The following PCDHA10 variants were observed in gnomAD, a reference collection of about 807,000 sequenced individuals.
PCDHA10 encodes the protein protocadherin alpha 10.
In PCDHA10, 45 loss-of-function variants were observed where a neutral mutation model predicts 61.2. That is an observed-to-expected ratio of 0.74 (90% CI 0.58 to 0.94). PCDHA10 has a LOEUF of 0.94. PCDHA10 is among the 40% of genes least tolerant of loss of function. The probability of loss-of-function intolerance (pLI) is 0.00; values close to 1 mark genes in which losing one functional copy is unlikely to be tolerated. For missense variants in PCDHA10, 1,278 were observed against 1,236.2 expected (o/e 1.03, Z -0.51); for synonymous variants, 602 against 548.8 (o/e 1.10, Z -1.35).
chr5:140,945,526 A>T (rs1466059696), intron 1 of PCDHA10, among the ~76,000 whole-genome samples: 2 of 152,130 alleles, frequency 1.3e-5, no homozygotes, highest in African/African-American at 4.8e-5. Context: ...AATAAATAAA[A>T]CAAAACATAC....
chr5:140,904,139 A>G lies in PCDHA10; in HGVS notation c.2388+45703A>G, dbSNP rs557435150. On this transcript the variant is annotated intron_variant, in intron 1 of 3. Coordinates refer to ENST00000307360, the MANE Select transcript of PCDHA10 (RefSeq NM_018901.4). ...ATTTTGGTGCACCCATCACCCGAGCAGTATACATTGCACCCAGTTTGTAGT... is the reference window on the plus strand; with the variant it reads ...ATTTTGGTGCACCCATCACCCGAGCGGTATACATTGCACCCAGTTTGTAGT... Among the ~76,000 whole-genome samples, 4 of 152,286 alleles carry G rather than the reference A, an allele frequency of 2.6e-5. No homozygotes were observed. The East Asian group carries it at 7.7e-4, about 29-fold the overall frequency.
At chr5:140,889,503 C>G (rs2062252341) in intron 1 of PCDHA10, among the ~76,000 whole-genome samples, 2 of 151,950 alleles carry the variant, frequency 1.3e-5, no homozygotes, top group Admixed American at 1.3e-4. Context: ...AGTGATATTT[C>G]CCTTTCCATT....
At chr5:140,978,862 T>C (rs750080921) in intron 1 of PCDHA10, 87 bp from the exon 2 acceptor site, 138 of 1,599,976 alleles carry the variant, frequency 8.6e-5, no homozygotes, top group Non-Finnish European at 1.1e-4. Flanking sequence ...CTGGAAATAT[T>C]TAAGGGAGTA....
chr5:140,858,839 C>G (rs1306924023), intron 1 of PCDHA10: 1 of 317,040 alleles, frequency 3.2e-6, no homozygotes, highest in Non-Finnish European at 5.9e-6. Context: ...CCAAAAAATT[C>G]CACTGATCTA....
chr5:140,938,758 A>T (rs2153638695), intron 1 of PCDHA10, among the ~76,000 whole-genome samples: 1 of 152,274 alleles, frequency 6.6e-6, no homozygotes, highest in African/African-American at 2.4e-5. Flanking sequence ...AGGCATAGTT[A>T]TTGGGTACTA....
chr5:140,870,276 C>T (rs1554163984), intron 1 of PCDHA10: 3 of 1,614,170 alleles, frequency 1.9e-6, no homozygotes, highest in South Asian at 1.1e-5. Context: ...TGACGCCCCA[C>T]GTTCCCTTCA....
At chr5:140,915,531 T>C (rs1258680816) in intron 1 of PCDHA10, among the ~76,000 whole-genome samples, 1 of 152,150 alleles carries the variant, frequency 6.6e-6, no homozygotes, top group Non-Finnish European at 1.5e-5. Context: ...AGGTACCATC[T>C]TGGAGGTCTT....
chr5:140,888,647 T>C (rs781796685), intron 1 of PCDHA10, among the ~76,000 whole-genome samples: 2 of 152,244 alleles, frequency 1.3e-5, no homozygotes, highest in African/African-American at 2.4e-5. Context: ...AATACTTTCC[T>C]GAGGACACCA....
intron 1 of PCDHA10, chr5:140,884,638 G>C: frequency 6.2e-7 from 1 of 1,610,712 alleles, no homozygotes; most frequent in South Asian, 1.1e-5. Context: ...GCCAGAGGGA[G>C]GAGGACTCAG....
At chr5:140,964,609 T>A (rs2095843840) in intron 1 of PCDHA10, among the ~76,000 whole-genome samples, 1 of 152,062 alleles carries the variant, frequency 6.6e-6, no homozygotes, top group Non-Finnish European at 1.5e-5. Context: ...AACTTACAAC[T>A]TGATTCCACT....
chr5:140,922,799 A>T (rs1188093750), intron 1 of PCDHA10, among the ~76,000 whole-genome samples: 1 of 152,264 alleles, frequency 6.6e-6, no homozygotes, highest in Non-Finnish European at 1.5e-5. Context: ...GCTTTGGAAT[A>T]CAGAAAAAGG....
chr5:140,890,726 T>C (rs2062772984), intron 1 of PCDHA10, among the ~76,000 whole-genome samples: 1 of 152,214 alleles, frequency 6.6e-6, no homozygotes. Context: ...TTTAATCCCT[T>C]TTGACTTATA....
intron 1 of PCDHA10, among the ~76,000 whole-genome samples, chr5:140,905,373 G>A (rs556428182): frequency 6.6e-6 from 1 of 152,118 alleles, no homozygotes; most frequent in East Asian, 1.9e-4. Context: ...CTGGTTCTCT[G>A]TTCTGTTTCA....
intron 1 of PCDHA10, among the ~76,000 whole-genome samples, chr5:140,898,780 C>A (rs1424563314): frequency 3.9e-5 from 6 of 152,106 alleles, no homozygotes; most frequent in African/African-American, 1.2e-4. Flanking sequence ...TTACCTTGGG[C>A]AGTATGGCCA....
At chr5:140,885,297 T>G (rs565705321) in intron 1 of PCDHA10, among the ~76,000 whole-genome samples, 30 of 152,302 alleles carry the variant, frequency 2.0e-4, no homozygotes, top group Admixed American at 5.9e-4. Context: ...GAGAGAGACC[T>G]GGTAGGCTTT....
chr5:140,882,234 T>C, intron 1 of PCDHA10: 1 of 1,579,306 alleles, frequency 6.3e-7, no homozygotes, highest in Non-Finnish European at 8.6e-7. Flanking sequence ...GCGTTGTATA[T>C]ATTGCAGATA....
intron 1 of PCDHA10, among the ~76,000 whole-genome samples, chr5:140,959,991 G>A (rs2095520706): frequency 6.6e-6 from 1 of 152,168 alleles, no homozygotes; most frequent in South Asian, 2.1e-4. Flanking sequence ...GTTGGGATAT[G>A]AAATACAAAT....
chr5:140,965,834 G>T (rs1018708290), intron 1 of PCDHA10, among the ~76,000 whole-genome samples: 1 of 152,128 alleles, frequency 6.6e-6, no homozygotes, highest in Admixed American at 6.5e-5. Context: ...TTAAATATTG[G>T]TTATTTGCCA....
chr5:140,978,044 G>A (rs1205342779), intron 1 of PCDHA10, among the ~76,000 whole-genome samples: 1 of 152,140 alleles, frequency 6.6e-6, no homozygotes, highest in Non-Finnish European at 1.5e-5. Flanking sequence ...GACAGTGATG[G>A]TGACTGATGA....
Sources: gnomAD v4.1 joint callset for allele counts (sites outside exome capture counted in the v4.1 genomes callset) on GRCh38, gnomAD v4.1.1 for gene constraint, MANE v1.5 for transcripts, NCBI Gene and HGNC (gene_info 2026-07-23, HGNC 2026-07-21) for gene names.